WDR27: variants seen among roughly 807,000 people sequenced by gnomAD.
WDR27 encodes WD repeat domain 27, also known as WD repeat-containing protein 27.
A neutral mutation model predicts 114.4 loss-of-function variants in WDR27; 100 were observed. That is an observed-to-expected ratio of 0.87 (90% CI 0.74 to 1.03). The LOEUF (loss-of-function observed/expected upper bound fraction) is 1.03, where lower values mean the gene tolerates loss of function less well. Ranked by LOEUF, WDR27 falls within the 50% of genes least tolerant of loss-of-function variation. The probability of loss-of-function intolerance (pLI) is 0.00; values close to 1 mark genes in which losing one functional copy is unlikely to be tolerated. For missense variants in WDR27, 1,129 were observed against 1,092.9 expected (o/e 1.03, Z -0.47); for synonymous variants, 449 against 423.1 (o/e 1.06, Z -0.75).
intron 24 of WDR27, among the ~76,000 whole-genome samples, chr6:169,576,097 A>G (rs1802286367): frequency 6.6e-6 from 1 of 152,264 alleles, no homozygotes; most frequent in African/African-American, 2.4e-5. Context: ...ATAGACAGAG[A>G]CAGCACCAGA....
intron 25 of WDR27, among the ~76,000 whole-genome samples, chr6:169,568,445 G>A (rs1019996903): frequency 6.6e-6 from 1 of 152,114 alleles, no homozygotes; most frequent in African/African-American, 2.4e-5. Context: ...TGCCCAGGGA[G>A]TAAGGACACA....
chr6:169,602,381 A>G (rs1808196929), intron 22 of WDR27, 60 bp from the exon 23 acceptor site: 1 of 1,113,338 alleles, frequency 9.0e-7, no homozygotes, highest in Middle Eastern at 2.0e-4. Context: ...TGCAAATTAG[A>G]GGAAAGAAAA....
chr6:169,630,499 T>A (rs1816064872), intron 21 of WDR27, among the ~76,000 whole-genome samples: 1 of 152,204 alleles, frequency 6.6e-6, no homozygotes, highest in South Asian at 2.1e-4. Context: ...CTAAATAAAT[T>A]TAGTAGGTCA....
intron 8 of WDR27, 30 bp downstream of exon 8, chr6:169,664,136 G>C (rs1427275863): frequency 7.8e-6 from 12 of 1,543,272 alleles, no homozygotes; most frequent in Non-Finnish European, 1.0e-5. Flanking sequence ...GGCCAAGTGG[G>C]AGGCCTGAGG....
chr6:169,559,561 TAAG>T lies in WDR27; in HGVS notation c.2645+12855_2645+12857del, dbSNP rs1017612351. ...TAATATATGTTGCCTCTCACAGAAATAAGAAACTTTTTTGAAATGTTGATTTGG... is the reference window on the plus strand; with the variant it reads ...TAATATATGTTGCCTCTCACAGAAATAAACTTTTTTGAAATGTTGATTTGG... On this transcript the variant is annotated intron_variant, in intron 25 of 25. Coordinates refer to ENST00000448612, the MANE Select transcript of WDR27 (RefSeq NM_182552.5). The T allele has an allele frequency of 5.9e-5, 9 of 152,170 alleles. 1 individual carries two copies. The highest frequency in any genetic ancestry group is 1.5e-5 in the Non-Finnish European group (1 of 68,028). The allele number at this position is 152,170 out of a possible 1,614,324, so 9.4% of individuals were successfully genotyped here.
At chr6:169,482,739 T>C (rs112857393) in intron 25 of WDR27, among the ~76,000 whole-genome samples, 1,985 of 152,238 alleles carry the variant, frequency 0.013, 42 homozygotes, top group African/African-American at 0.041. Flanking sequence ...ATACATCCTT[T>C]TCATCACCAC....
chr6:169,611,180 G>C (rs1438195937), intron 22 of WDR27, among the ~76,000 whole-genome samples: 1 of 152,110 alleles, frequency 6.6e-6, no homozygotes, highest in African/African-American at 2.4e-5. Context: ...TGAAGGTCAA[G>C]GGCATGACCA....
Position 169,634,444 on chromosome 6 carries a change from G to T in WDR27, c.2085C>A (p.Val695=). Residue 695 remains valine, a synonymous_variant, in exon 20 of 26, where the codon GTC becomes GTA. Transcript: ENST00000448612. The stretch of plus-strand genomic sequence containing the variant: ...AAAGGATACGGGAATAAAAGTCGTT[G>T]ACTGCCGATAAACTGGTCATGTCTA... ...GAVDMTSLSA[V]NDFYSHIVLA... is the part of the protein sequence containing the mutation. The T allele has an allele frequency of 1.2e-6, 2 of 1,612,448 alleles. No homozygotes were observed. The highest frequency in any genetic ancestry group is 1.7e-6 in the Non-Finnish European group (2 of 1,179,270).
In WDR27 at chr6:169,668,112, A is replaced by C. The variant is rs752691540; in HGVS notation, c.530T>G (p.Leu177Arg). Residue 177 changes from leucine to arginine, a missense_variant, in exon 5 of 26, where the codon CTG (leucine) becomes CGG (arginine). Coordinates refer to ENST00000448612, the MANE Select transcript of WDR27 (RefSeq NM_182552.5). ...AGCCTGAGTCTGAGAGAATGTGTGC[A>C]GGAAGGTCGGTGGTGGGACTTTGTG... The part of the protein sequence containing the change: ...NRHKVPPPTF[L>R]HTFSQTQAVR... The C allele has an allele frequency of 5.6e-6, 9 of 1,614,018 alleles. No homozygotes were observed. In the East Asian group the frequency reaches 1.8e-4, roughly 32 times the overall value.
chr6:169,649,058 A>ATATACATATCTGTGTACATG, intron 15 of WDR27, 140 bp downstream of exon 15: 1 of 579,268 alleles, frequency 1.7e-6, no homozygotes, highest in East Asian at 2.8e-5. Flanking sequence ...AATAATATAG[A>ATATACATATCTGTGTACATG]TATACATATC....
At chr6:169,575,317 CCTCCCT>C (rs1403901056) in intron 24 of WDR27, among the ~76,000 whole-genome samples, 1 of 95,302 alleles carries the variant, frequency 1.0e-5, no homozygotes, top group Non-Finnish European at 2.3e-5. Context: ...TCCATCCCTC[CCTCCCT>C]CTCTCTCTCT....
chr6:169,687,129 G>C (rs550683873), intron 2 of WDR27, among the ~76,000 whole-genome samples: 3 of 151,976 alleles, frequency 2.0e-5, no homozygotes, highest in Non-Finnish European at 4.4e-5. Context: ...ATAGCCAGAA[G>C]AAAAAAACTA....
chr6:169,640,603 G>A (rs981815791), intron 17 of WDR27, among the ~76,000 whole-genome samples: 8 of 152,220 alleles, frequency 5.3e-5, no homozygotes, highest in Admixed American at 1.3e-4. Flanking sequence ...CGCTTGTACC[G>A]AACACCAGCG....
chr6:169,684,209 C>T lies in WDR27; in HGVS notation c.189+4608G>A, dbSNP rs771058373. On this transcript the variant is annotated intron_variant, in intron 2 of 25. Coordinates refer to ENST00000448612, the MANE Select transcript of WDR27 (RefSeq NM_182552.5). The surrounding 1 kb of genome is among the most constrained non-coding windows in gnomAD (Gnocchi z 4.3). ...CACTCCTGCCAAGGACAAACCTGCC[C>T]TTGATTTAGCCAAACCATTGCACAC... Among the ~76,000 whole-genome samples, 1 of 152,152 alleles carries T rather than the reference C, an allele frequency of 6.6e-6. No individual in the cohort carries two copies. The highest frequency in any genetic ancestry group is 1.5e-5 in the Non-Finnish European group (1 of 68,014).
chr6:169,535,456 A>C (rs117299340), intron 25 of WDR27, among the ~76,000 whole-genome samples: 5 of 152,324 alleles, frequency 3.3e-5, no homozygotes, highest in Non-Finnish European at 5.9e-5. Flanking sequence ...TCAAACTCAA[A>C]TTCAGCAACG....
At chr6:169,477,209 T>A (rs1485621172) in intron 25 of WDR27, among the ~76,000 whole-genome samples, 1 of 152,246 alleles carries the variant, frequency 6.6e-6, no homozygotes, top group Non-Finnish European at 1.5e-5. Context: ...AAGATGCATT[T>A]TAAGAGCACA....
chr6:169,615,233 C>T (rs1402796637), intron 21 of WDR27, among the ~76,000 whole-genome samples: 1 of 152,084 alleles, frequency 6.6e-6, no homozygotes, highest in African/African-American at 2.4e-5. Context: ...CATTATTTCA[C>T]TTTTGTTTTA....
At chr6:169,647,922 A>G in intron 15 of WDR27, 52 bp from the exon 16 acceptor site, 1 of 1,346,854 alleles carries the variant, frequency 7.4e-7, no homozygotes, top group Non-Finnish European at 1.0e-6. Context: ...CAGTGAGATT[A>G]GAAGTAAAAC....
chr6:169,692,174 G>A (rs765267955), intron 1 of WDR27, among the ~76,000 whole-genome samples: 7 of 152,234 alleles, frequency 4.6e-5, no homozygotes, highest in Non-Finnish European at 8.8e-5. Flanking sequence ...AAATATAAAA[G>A]TAGAAGCAGC....
Sources: allele counts gnomAD v4.1 joint callset (sites outside exome capture counted in the v4.1 genomes callset), GRCh38; gene constraint gnomAD v4.1.1; non-coding constraint Gnocchi (gnomAD v3.1); transcripts MANE v1.5; gene names NCBI Gene and HGNC (gene_info 2026-07-23, HGNC 2026-07-21).